Variants in NTRK2 observed in about 807,000 individuals in gnomAD.
NTRK2 encodes the protein neurotrophic receptor tyrosine kinase 2, also known as BDNF/NT-3 growth factors receptor.
Under a neutral mutation model 94.5 loss-of-function variants are expected in NTRK2, and 13 were observed. The ratio of observed to expected loss-of-function variants is 0.14; its 90% CI spans 0.09 to 0.22. The LOEUF (loss-of-function observed/expected upper bound fraction) is 0.22. Ranked by LOEUF, NTRK2 falls within the 10% of genes least tolerant of loss-of-function variation. NTRK2 has a pLI of 1.00. For synonymous variants in NTRK2, 372 were observed against 407.4 expected, an observed-to-expected ratio of 0.91 and a Z score of 1.05; for missense variants, 639 against 1,071.2, an observed-to-expected ratio of 0.60 and a Z score of 5.63.
intron 14 of NTRK2, among the ~76,000 whole-genome samples, chr9:84,932,007 C>A (rs941725813): frequency 2.0e-5 from 3 of 152,086 alleles, no homozygotes; most frequent in African/African-American, 7.2e-5. Context: ...CATAAAAAGA[C>A]CTTTTGATTT....
At chr9:85,018,860 G>A (rs143706688) in intron 17 of NTRK2, among the ~76,000 whole-genome samples, 3 of 152,262 alleles carry the variant, frequency 2.0e-5, no homozygotes, top group African/African-American at 7.2e-5. Context: ...GAAATCTAAG[G>A]CCAATGGAAG....
chr9:84,825,107 T>C (rs2073101992), intron 12 of NTRK2, among the ~76,000 whole-genome samples: 1 of 152,038 alleles, frequency 6.6e-6, no homozygotes, highest in South Asian at 2.1e-4. Flanking sequence ...CCAGGACAGC[T>C]TTCCTCTCCC....
chr9:84,767,682 A>C (rs1251960919), intron 12 of NTRK2, among the ~76,000 whole-genome samples: 2 of 152,002 alleles, frequency 1.3e-5, no homozygotes, highest in African/African-American at 2.4e-5. Context: ...ATTGGCTGTC[A>C]CCTTTTGGGA....
At position 84,877,602 on chromosome 9, in the gene NTRK2, C is replaced by A. The variant is rs1181473726; in HGVS notation, c.1633+10171C>A. On this transcript the variant is annotated intron_variant, in intron 14 of 18. Transcript: ENST00000277120. ...ACCATTCAGCCTGCTGCTGCTGCACCATGTTGGGCTGCGGTAGGATAGGGA... is the reference window on the plus strand; with the variant it reads ...ACCATTCAGCCTGCTGCTGCTGCACAATGTTGGGCTGCGGTAGGATAGGGA... The A allele has an allele frequency of 4.7e-6, 5 of 1,065,778 alleles. No homozygotes were observed. In the African/African-American group the frequency reaches 6.5e-5, roughly 14 times the overall value. 66.0% of individuals were successfully genotyped at this position (1,065,778 alleles called of 1,614,324 possible). A position where few individuals can be genotyped will look rare whatever the true frequency, so the allele number is the denominator to read the frequency against.
intron 2 of NTRK2, among the ~76,000 whole-genome samples, chr9:84,677,228 T>A (rs1431414602): frequency 6.6e-6 from 1 of 152,030 alleles, no homozygotes; most frequent in East Asian, 1.9e-4. Flanking sequence ...TTCGATGAGG[T>A]CTGTGTTAGC....
intron 14 of NTRK2, among the ~76,000 whole-genome samples, chr9:84,926,364 C>T (rs539915797): frequency 1.9e-4 from 29 of 152,008 alleles, no homozygotes; most frequent in Admixed American, 3.9e-4. Context: ...TCCCAAGTAG[C>T]TGGGATTACA....
rs202173424 is a variant in NTRK2 at position 85,023,126 on chromosome 9, T to C, written c.*1689T>C. 9 of 232,878 alleles carry C rather than the reference T, an allele frequency of 3.9e-5. No homozygotes were observed. The highest frequency in any genetic ancestry group is 7.6e-5 in the Non-Finnish European group (9 of 117,828). 14.4% of individuals were successfully genotyped at this position (232,878 alleles called of 1,614,324 possible). A position where few individuals can be genotyped will look rare whatever the true frequency, so the allele number is the denominator to read the frequency against. On this transcript the variant is annotated 3_prime_UTR_variant, in exon 19 of 19. Coordinates refer to ENST00000277120, the MANE Select transcript of NTRK2 (RefSeq NM_006180.6). Reference sequence around the variant, plus strand: ...GGAAGTGTGCTTCTAGGCATAGTCATTGGTTTTGCAAAAAGAGGGCTCAAA... The same window carrying C: ...GGAAGTGTGCTTCTAGGCATAGTCACTGGTTTTGCAAAAAGAGGGCTCAAA...
intron 12 of NTRK2, among the ~76,000 whole-genome samples, chr9:84,789,142 G>T (rs866611296): frequency 3.9e-5 from 6 of 152,206 alleles, no homozygotes; most frequent in African/African-American, 1.4e-4. Context: ...AAGAGCTGAG[G>T]TATCTGCCTC....
In NTRK2 at chr9:84,908,841, AC is replaced by A. The variant is rs555260137; in HGVS notation, c.1634-25319del. ...AAACTTACTCAATGGCACAAGGCACACCTCTTACAATTTTTAATTAAACTTC... is the reference window on the plus strand; with the variant it reads ...AAACTTACTCAATGGCACAAGGCACACTCTTACAATTTTTAATTAAACTTC... On this transcript the variant is annotated intron_variant, in intron 14 of 18. Transcript: ENST00000277120. Among the ~76,000 whole-genome samples the A allele has an allele frequency of 2.4e-4, 37 of 152,176 alleles. 1 individual carries two copies. Among genetic ancestry groups the A allele is most frequent in the Non-Finnish European group, 4.6e-4 (31 of 68,002 alleles).
chr9:84,890,071 C>T (rs1380833456), intron 14 of NTRK2, among the ~76,000 whole-genome samples: 1 of 152,156 alleles, frequency 6.6e-6, no homozygotes, highest in Non-Finnish European at 1.5e-5. Flanking sequence ...ATAAGTATGC[C>T]CAACTTCTTT....
At chr9:84,900,711 T>G (rs1042460198) in intron 14 of NTRK2, among the ~76,000 whole-genome samples, 8 of 152,088 alleles carry the variant, frequency 5.3e-5, no homozygotes, top group Non-Finnish European at 2.9e-5. Flanking sequence ...TACCACCTTC[T>G]CCAGTAGGAA....
chr9:84,795,053 C>T (rs1034451079), intron 12 of NTRK2, among the ~76,000 whole-genome samples: 1 of 152,146 alleles, frequency 6.6e-6, no homozygotes, highest in African/African-American at 2.4e-5. Flanking sequence ...GCTCTGTCCA[C>T]GACAGAGAGC....
At chr9:84,728,781 A>G (rs550350941) in intron 9 of NTRK2, among the ~76,000 whole-genome samples, 4 of 152,178 alleles carry the variant, frequency 2.6e-5, no homozygotes, top group African/African-American at 7.2e-5. Flanking sequence ...TCAGGGGTCT[A>G]CTCTGGGCAC....
At chr9:84,755,552 T>C (rs1005224138) in intron 12 of NTRK2, among the ~76,000 whole-genome samples, 14 of 146,732 alleles carry the variant, frequency 9.5e-5, no homozygotes, top group African/African-American at 3.6e-4. Context: ...TTTTTTTTTT[T>C]TGGTTATTCC....
chr9:84,827,966 C>T (rs916017825), intron 12 of NTRK2, among the ~76,000 whole-genome samples: 1 of 152,170 alleles, frequency 6.6e-6, no homozygotes, highest in Non-Finnish European at 1.5e-5. Context: ...AGTCCAAACC[C>T]TTAACTAAAC....
intron 2 of NTRK2, among the ~76,000 whole-genome samples, chr9:84,700,246 A>T (rs747916745): frequency 3.9e-5 from 6 of 152,246 alleles, no homozygotes; most frequent in Non-Finnish European, 8.8e-5. Flanking sequence ...CTGTGAGATC[A>T]TTTAGAAGAG....
At chr9:84,937,515 C>T (rs2078251968) in intron 15 of NTRK2, among the ~76,000 whole-genome samples, 1 of 152,146 alleles carries the variant, frequency 6.6e-6, no homozygotes, top group African/African-American at 2.4e-5. Flanking sequence ...AAGGCATGTG[C>T]ACAACACTTG....
chr9:84,696,586 A>T (rs1351434651), intron 2 of NTRK2, among the ~76,000 whole-genome samples: 3 of 152,222 alleles, frequency 2.0e-5, no homozygotes, highest in Non-Finnish European at 4.4e-5. Flanking sequence ...GATCAGTGAG[A>T]TGAGATGAGG....
intron 2 of NTRK2, among the ~76,000 whole-genome samples, chr9:84,686,439 T>G (rs75564012): frequency 7.4e-4 from 113 of 152,324 alleles, no homozygotes; most frequent in African/African-American, 2.5e-3. Context: ...TGAGAAAGAT[T>G]TGTGCCTTTT....
Sources: gnomAD v4.1 joint callset for allele counts (sites outside exome capture counted in the v4.1 genomes callset) on GRCh38, gnomAD v4.1.1 for gene constraint, MANE v1.5 for transcripts, NCBI Gene and HGNC (gene_info 2026-07-23, HGNC 2026-07-21) for gene names.